Variants in ZFHX3 observed in about 807,000 individuals in gnomAD.
The protein encoded by ZFHX3 is zinc finger homeobox protein 3.
ZFHX3 carries 42 observed loss-of-function variants against 279.1 expected under a neutral mutation model. The ratio of observed to expected loss-of-function variants is 0.15; its 90% confidence interval spans 0.12 to 0.19. The LOEUF (loss-of-function observed/expected upper bound fraction) is 0.19. Ranked by LOEUF, ZFHX3 falls within the 10% of genes least tolerant of loss-of-function variation. The probability of loss-of-function intolerance (pLI) is 1.00; values close to 1 mark genes in which losing one functional copy is unlikely to be tolerated. For synonymous variants in ZFHX3, 2,293 were observed against 1,957.8 expected (o/e 1.17, Z -4.52); for missense variants, 4,981 against 4,754.0 (o/e 1.05, Z -1.40).
intron 3 of ZFHX3, among the ~76,000 whole-genome samples, chr16:72,937,941 A>G (rs1347236480): frequency 6.6e-6 from 1 of 152,266 alleles, no homozygotes; most frequent in African/African-American, 2.4e-5. Flanking sequence ...ACTTGCTGTC[A>G]GTAAAGACAA....
intron 3 of ZFHX3, among the ~76,000 whole-genome samples, chr16:72,909,097 A>G (rs926491930): frequency 2.0e-5 from 3 of 152,230 alleles, no homozygotes; most frequent in African/African-American, 4.8e-5. Context: ...GATCACAGAA[A>G]TAAGCCAGAG....
intron 2 of ZFHX3, among the ~76,000 whole-genome samples, chr16:73,668,074 T>C (rs1169393451): frequency 2.0e-5 from 3 of 152,182 alleles, no homozygotes; most frequent in African/African-American, 7.2e-5. Context: ...ATAAGTCACC[T>C]CTACGAAGCT....
intron 1 of ZFHX3, among the ~76,000 whole-genome samples, chr16:73,690,962 A>T (rs2053144215): frequency 6.6e-6 from 1 of 152,238 alleles, no homozygotes; most frequent in Non-Finnish European, 1.5e-5. Flanking sequence ...TTTGTTATTC[A>T]TCAACAGATA....
chr16:72,935,209 T>C (rs970085359), intron 3 of ZFHX3, among the ~76,000 whole-genome samples: 6 of 152,178 alleles, frequency 3.9e-5, no homozygotes, highest in Admixed American at 1.3e-4. Flanking sequence ...ACGTGTGGCT[T>C]GTACATGGGA....
At position 72,929,904 on chromosome 16, in the gene ZFHX3, G is replaced by A. The variant is rs758353699; in HGVS notation, c.3216+20565C>T. ...CCCCAGCATGAAAAGGAGGACAAGA[G>A]GAAAAGAAACGTTCACTTAAAAAAG... On this transcript the variant is annotated intron_variant, in intron 3 of 9. Transcript: ENST00000268489. Among the ~76,000 whole-genome samples, 9 of 152,200 alleles carry A rather than the reference G, an allele frequency of 5.9e-5. No individual in the cohort carries two copies. The South Asian group carries it at 6.2e-4, about 11-fold the overall frequency.
intron 1 of ZFHX3, among the ~76,000 whole-genome samples, chr16:73,007,387 T>G (rs1963748673): frequency 6.6e-6 from 1 of 152,252 alleles, no homozygotes; most frequent in African/African-American, 2.4e-5. Context: ...AGCATCCCTC[T>G]AAGTTTAAAA....
At chr16:72,951,221 C>T (rs1960980919) in intron 2 of ZFHX3, among the ~76,000 whole-genome samples, 1 of 152,132 alleles carries the variant, frequency 6.6e-6, no homozygotes. Flanking sequence ...GAAAAGAACA[C>T]CTAGAAAAGT....
At chr16:73,775,288 C>T (rs1259307974) in intron 1 of ZFHX3, among the ~76,000 whole-genome samples, 1 of 152,144 alleles carries the variant, frequency 6.6e-6, no homozygotes, top group Non-Finnish European at 1.5e-5. Context: ...AAAAATGGCT[C>T]TTAGATGCTT....
intron 3 of ZFHX3, among the ~76,000 whole-genome samples, chr16:73,374,275 G>C (rs2143347879): frequency 6.6e-6 from 1 of 151,986 alleles, no homozygotes; most frequent in South Asian, 2.1e-4. Flanking sequence ...TTATGACTTA[G>C]TTTTTTTTGT....
At chr16:73,642,888 A>G (rs915072347) in intron 2 of ZFHX3, among the ~76,000 whole-genome samples, 1 of 152,238 alleles carries the variant, frequency 6.6e-6, no homozygotes, top group Admixed American at 6.5e-5. Context: ...TTGGAAACTC[A>G]GCGGCAAGAC....
chr16:73,882,836 G>T (rs1240958541), intron 1 of ZFHX3, among the ~76,000 whole-genome samples: 1 of 151,864 alleles, frequency 6.6e-6, no homozygotes, highest in African/African-American at 2.4e-5. Context: ...CACTTTCAAA[G>T]ACTTAAATAA....
chr16:73,590,825 C>T (rs1374127100), intron 2 of ZFHX3, among the ~76,000 whole-genome samples: 1 of 152,086 alleles, frequency 6.6e-6, no homozygotes, highest in East Asian at 1.9e-4. Flanking sequence ...TCACCAATGG[C>T]TATAATGTCA....
intron 3 of ZFHX3, among the ~76,000 whole-genome samples, chr16:72,910,966 GA>G (rs1351533849): frequency 6.6e-6 from 1 of 152,212 alleles, no homozygotes. Context: ...GTCCGAATGT[GA>G]AAGAGAATGT....
Position 72,959,757 on chromosome 16 carries a change from G to C in ZFHX3, c.389C>G (p.Ala130Gly), listed in dbSNP as rs1177855697. ...GDEESDVENL[A>G]GEIVYQPDGS... ...GTCCGGCTGGTAGACGATCTCCCCG[G>C]CCAGGTTCTCCACGTCACTCTCCTC... The change falls in exon 2 of 10, where the codon GCC becomes GGC. Residue 130 changes from alanine (A) to glycine (G), a missense_variant. Coordinates refer to ENST00000268489, the MANE Select transcript of ZFHX3 (RefSeq NM_006885.4). The C allele has an allele frequency of 6.2e-7, 1 of 1,609,712 alleles. No individual in the cohort carries two copies. The highest frequency in any genetic ancestry group is 8.5e-7 in the Non-Finnish European group (1 of 1,177,158).
intron 1 of ZFHX3, among the ~76,000 whole-genome samples, chr16:72,989,278 A>G (rs1437939670): frequency 2.0e-5 from 3 of 152,092 alleles, no homozygotes; most frequent in Non-Finnish European, 4.4e-5. Context: ...TGAGGTCAGG[A>G]GTTTGAGACC....
chr16:73,512,087 A>G (rs1005837063), intron 2 of ZFHX3, among the ~76,000 whole-genome samples: 2 of 152,036 alleles, frequency 1.3e-5, no homozygotes, highest in African/African-American at 2.4e-5. Context: ...AATAGCTTAC[A>G]TGCTGCAGGA....
intron 1 of ZFHX3, among the ~76,000 whole-genome samples, chr16:73,851,001 T>C (rs554602898): frequency 3.2e-4 from 48 of 152,266 alleles, no homozygotes; most frequent in Non-Finnish European, 4.9e-4. Context: ...TTTTATCCTT[T>C]TTTTCCCCCT....
At chr16:73,213,787 G>C (rs1004024869) in intron 5 of ZFHX3, among the ~76,000 whole-genome samples, 12 of 152,020 alleles carry the variant, frequency 7.9e-5, no homozygotes, top group African/African-American at 2.7e-4. Context: ...TTATGGGCCC[G>C]GGTCCCATTT....
chr16:73,881,081 A>G (rs1162949736), intron 1 of ZFHX3, among the ~76,000 whole-genome samples: 1 of 152,150 alleles, frequency 6.6e-6, no homozygotes, highest in Non-Finnish European at 1.5e-5. Flanking sequence ...CTTCTATAAG[A>G]CTGGTGGCTT....
Sources: gnomAD v4.1 joint callset for allele counts (sites outside exome capture counted in the v4.1 genomes callset) on GRCh38, gnomAD v4.1.1 for gene constraint, MANE v1.5 for transcripts, NCBI Gene and HGNC (gene_info 2026-07-23, HGNC 2026-07-21) for gene names.